The following RUNX1T1 variants were observed in gnomAD, a reference collection of about 807,000 sequenced individuals.
RUNX1T1 encodes RUNX1 partner transcriptional co-repressor 1.
A neutral mutation model predicts 62.8 loss-of-function variants in RUNX1T1; 4 were observed. That is an observed-to-expected ratio of 0.06 (90% CI 0.03 to 0.15). RUNX1T1 has a LOEUF of 0.15. Among genes scored for constraint, RUNX1T1 ranks in the 10% least tolerant of loss-of-function variants. The probability of loss-of-function intolerance (pLI) is 1.00; values close to 1 mark genes in which losing one functional copy is unlikely to be tolerated. For synonymous variants in RUNX1T1, 291 were observed against 286.0 expected, an observed-to-expected ratio of 1.02 and a Z score of -0.18; for missense variants, 508 against 754.3, an observed-to-expected ratio of 0.67 and a Z score of 3.82.
At chr8:92,077,251 TA>T (rs763455188) in intron 1 of RUNX1T1, among the ~76,000 whole-genome samples, 6 of 152,144 alleles carry the variant, frequency 3.9e-5, no homozygotes, top group Non-Finnish European at 7.4e-5. Context: ...AGATATTTCT[TA>T]GTTGGGAATT....
chr8:91,996,922 G>A (rs553492531), intron 5 of RUNX1T1, among the ~76,000 whole-genome samples: 169 of 150,800 alleles, frequency 1.1e-3, no homozygotes, highest in Non-Finnish European at 2.1e-3. Context: ...AGGAGCTTGA[G>A]ACCAGCCTGG....
chr8:92,054,764 G>T (rs1249904286), intron 1 of RUNX1T1, among the ~76,000 whole-genome samples: 1 of 152,140 alleles, frequency 6.6e-6, no homozygotes, highest in Non-Finnish European at 1.5e-5. Context: ...CACTTTGGGA[G>T]GCGGGCGGAT....
At chr8:92,031,759 T>C (rs139511193) in intron 1 of RUNX1T1, among the ~76,000 whole-genome samples, 1,573 of 152,198 alleles carry the variant, frequency 0.01, 11 homozygotes, top group Middle Eastern at 0.017. Context: ...CATAAACCAG[T>C]GCCCAGCAGC....
At chr8:91,976,555 T>C (rs1813992347) in intron 8 of RUNX1T1, among the ~76,000 whole-genome samples, 1 of 152,232 alleles carries the variant, frequency 6.6e-6, no homozygotes, top group African/African-American at 2.4e-5. Context: ...CAGAATGGAT[T>C]CACAGACATT....
chr8:92,086,237 C>T (rs1244743232), intron 1 of RUNX1T1, among the ~76,000 whole-genome samples: 2 of 152,206 alleles, frequency 1.3e-5, no homozygotes, highest in African/African-American at 4.8e-5. Flanking sequence ...TCTCTACCTT[C>T]TCTCCTTCTT....
intron 3 of RUNX1T1, among the ~76,000 whole-genome samples, chr8:92,011,632 A>T (rs754550972): frequency 6.6e-6 from 1 of 152,204 alleles, no homozygotes. Context: ...GTAGTGTGCT[A>T]TGCCAATAAA....
At chr8:92,004,276 G>T (rs918218363) in intron 5 of RUNX1T1, 1 of 152,188 alleles carries the variant, frequency 6.6e-6, no homozygotes, top group Non-Finnish European at 1.5e-5. Context: ...TGCTAAATAA[G>T]TTTTTGAATA....
chr8:92,013,078 A>T (rs979208718), intron 3 of RUNX1T1, among the ~76,000 whole-genome samples: 9 of 152,094 alleles, frequency 5.9e-5, no homozygotes, highest in Non-Finnish European at 7.4e-5. Context: ...AAAAAAAAAA[A>T]TTTTGCTAAG....
At chr8:91,990,011 C>A (rs1817334091) in intron 6 of RUNX1T1, among the ~76,000 whole-genome samples, 1 of 152,146 alleles carries the variant, frequency 6.6e-6, no homozygotes, top group Non-Finnish European at 1.5e-5. Flanking sequence ...AAGCCTCAAT[C>A]ACCCCTCCTC....
downstream of RUNX1T1, chr8:91,957,772 T>C (rs1809596080): frequency 4.4e-6 from 1 of 225,772 alleles, no homozygotes; most frequent in Admixed American, 5.7e-5. Flanking sequence ...CAAAGGATTC[T>C]GGGAGCACCA....
At chr8:92,043,495 T>G (rs1007644196) in intron 1 of RUNX1T1, among the ~76,000 whole-genome samples, 3 of 151,832 alleles carry the variant, frequency 2.0e-5, no homozygotes, top group Non-Finnish European at 4.4e-5. Flanking sequence ...TTCATAAAAT[T>G]TAATATAAAT....
rs1563591490 is a variant in RUNX1T1 at position 91,959,472 on chromosome 8, GTGCGTGTGTGTGTGTGTATA to G, written c.*750_*769del. ...TGTGTGTGTGTGTGTGTGTGTATATGTGCGTGTGTGTGTGTGTATATATATATATATATATATATATATGG... is the reference window on the plus strand; with the variant it reads ...TGTGTGTGTGTGTGTGTGTGTATATGTATATATATATATATATATATATGG... On this transcript the variant is annotated 3_prime_UTR_variant, in exon 11 of 11. Coordinates refer to ENST00000396218, the Ensembl canonical transcript of RUNX1T1. 1,301 of 42,374 alleles carry G rather than the reference GTGCGTGTGTGTGTGTGTATA, an allele frequency of 0.031. 62 individuals carry two copies. In the East Asian group the frequency reaches 0.35, roughly 11 times the overall value. The allele number at this position is 42,374 out of a possible 1,614,324, so 2.6% of individuals were successfully genotyped here. A position where few individuals can be genotyped will look rare whatever the true frequency, so the allele number is the denominator to read the frequency against.
chr8:92,088,688 T>C (rs1836515738), intron 1 of RUNX1T1, among the ~76,000 whole-genome samples: 1 of 152,170 alleles, frequency 6.6e-6, no homozygotes, highest in East Asian at 1.9e-4. Context: ...TCCCAGATAC[T>C]CTTTATAATA....
chr8:92,005,356 C>T (rs1387741107), intron 4 of RUNX1T1, 59 bp from the exon 6 acceptor site: 12 of 1,489,802 alleles, frequency 8.1e-6, no homozygotes, highest in South Asian at 2.4e-5. Context: ...GTCCTGTTGA[C>T]TTACTCTGCT....
In RUNX1T1 at chr8:91,986,877, G is replaced by C; in HGVS notation, c.996+10C>G. On this transcript the variant is annotated intron_variant, in intron 7 of 10. Transcript: ENST00000396218. ...CATTTTTTAATCCCAAATGATTACT[G>C]ATGTCTTACATGGTCAAGATGTTTC... is the stretch of plus-strand genomic sequence containing the variant. The C allele has an allele frequency of 6.5e-7, 1 of 1,530,428 alleles. No homozygotes were observed. The highest frequency in any genetic ancestry group is 1.1e-5 in the South Asian group (1 of 89,300). The allele number at this position is 1,530,428 out of a possible 1,614,324, so 94.8% of individuals were successfully genotyped here.
intron 9 of RUNX1T1, 112 bp from the exon 11 acceptor site, chr8:91,970,960 G>C (rs766041708): frequency 1.2e-6 from 1 of 843,116 alleles, no homozygotes; most frequent in South Asian, 2.4e-5. Flanking sequence ...GGCTGGTCTC[G>C]AACCCCTGGG....
upstream of RUNX1T1, among the ~76,000 whole-genome samples, chr8:92,066,205 T>C (rs528292724): frequency 5.3e-5 from 8 of 152,286 alleles, no homozygotes; most frequent in South Asian, 4.1e-4. Context: ...CCAACGAGCA[T>C]TGATGAATGG....
At chr8:92,015,749 A>G (rs1261539889) in intron 2 of RUNX1T1, among the ~76,000 whole-genome samples, 1 of 152,218 alleles carries the variant, frequency 6.6e-6, no homozygotes, top group Non-Finnish European at 1.5e-5. Flanking sequence ...ATTTTGATAT[A>G]GTTTGAAAAT....
intron 1 of RUNX1T1, among the ~76,000 whole-genome samples, chr8:92,096,839 C>T (rs1837788614): frequency 6.6e-6 from 1 of 152,058 alleles, no homozygotes. Flanking sequence ...AGAGAACTAG[C>T]CCCTGCCTTT....
Sources: allele counts gnomAD v4.1 joint callset (sites outside exome capture counted in the v4.1 genomes callset), GRCh38; gene constraint gnomAD v4.1.1; transcripts MANE v1.5; gene names NCBI Gene and HGNC (gene_info 2026-07-23, HGNC 2026-07-21).